The following CHIC2 variants were observed in gnomAD, a reference collection of about 807,000 sequenced individuals.
The protein encoded by CHIC2 is cysteine rich hydrophobic domain 2.
A neutral mutation model predicts 25.9 loss-of-function variants in CHIC2; 14 were observed. The observed-to-expected ratio is 0.54, with a 90% confidence interval of 0.36 to 0.85. The LOEUF is 0.85. CHIC2 is among the 40% of genes least tolerant of loss of function. The pLI is 0.01. For missense variants in CHIC2, 146 were observed against 202.0 expected (o/e 0.72, Z 1.68); for synonymous variants, 70 against 72.0 (o/e 0.97, Z 0.14).
chr4:54,057,500 A>G (rs1717212773), intron 1 of CHIC2, among the ~76,000 whole-genome samples: 2 of 152,074 alleles, frequency 1.3e-5, no homozygotes. Context: ...CATCCTTCCT[A>G]AATGTTAGCT....
At chr4:54,059,526 G>T (rs1205918646) in intron 1 of CHIC2, 2 of 148,976 alleles carry the variant, frequency 1.3e-5, no homozygotes, top group Non-Finnish European at 3.0e-5. Flanking sequence ...AGGTGACAGG[G>T]AAAGATTCTG....
chr4:54,038,641 G>C (rs1042134117), intron 3 of CHIC2, among the ~76,000 whole-genome samples: 5 of 151,866 alleles, frequency 3.3e-5, no homozygotes, highest in Admixed American at 2.0e-4. Context: ...TATAAAGAAA[G>C]GTAAAGAAAT....
At chr4:54,055,067 G>A (rs1428273045) in intron 1 of CHIC2, among the ~76,000 whole-genome samples, 1 of 152,038 alleles carries the variant, frequency 6.6e-6, no homozygotes, top group African/African-American at 2.4e-5. Flanking sequence ...CACTATAGCA[G>A]ATGTACCAAA....
chr4:54,047,242 G>A (rs1213002883), intron 3 of CHIC2, among the ~76,000 whole-genome samples: 2 of 152,124 alleles, frequency 1.3e-5, no homozygotes, highest in South Asian at 2.1e-4. Flanking sequence ...TCAGTGTGGC[G>A]ATTCCTCAGG....
At chr4:54,014,695 AT>A (rs1345443332) in intron 3 of CHIC2, among the ~76,000 whole-genome samples, 1 of 152,208 alleles carries the variant, frequency 6.6e-6, no homozygotes, top group Non-Finnish European at 1.5e-5. Flanking sequence ...TAAAAGTGTC[AT>A]CTGATAGTAA....
At chr4:54,039,882 AAAAG>A (rs1716509478) in intron 3 of CHIC2, among the ~76,000 whole-genome samples, 1 of 136,064 alleles carries the variant, frequency 7.3e-6, no homozygotes, top group African/African-American at 3.8e-5. Context: ...ATTAATACAT[AAAAG>A]AAAATAGATG....
At chr4:54,036,210 T>C (rs1258854366) in intron 3 of CHIC2, among the ~76,000 whole-genome samples, 2 of 152,236 alleles carry the variant, frequency 1.3e-5, no homozygotes, top group African/African-American at 2.4e-5. Flanking sequence ...TTAGGTTAAG[T>C]TGGCTGACAT....
At chr4:54,043,733 A>G (rs1173757846) in intron 3 of CHIC2, among the ~76,000 whole-genome samples, 1 of 152,244 alleles carries the variant, frequency 6.6e-6, no homozygotes, top group Non-Finnish European at 1.5e-5. Flanking sequence ...AGCTAGGAAG[A>G]AACTGCATCA....
chr4:54,035,596 CTTAAT>C (rs960579244), intron 3 of CHIC2, among the ~76,000 whole-genome samples: 3 of 152,096 alleles, frequency 2.0e-5, no homozygotes, highest in Non-Finnish European at 4.4e-5. Flanking sequence ...ATTCCTGAAA[CTTAAT>C]TTATCTCTTT....
At chr4:54,072,281 G>A in the CHIC2 span, among the ~76,000 whole-genome samples, 30 of 150,152 alleles carry the variant, frequency 2.0e-4, no homozygotes, top group Non-Finnish European at 4.3e-4. Context: ...CAGCCTGGGC[G>A]ACAGAGCAAG....
upstream of CHIC2, among the ~76,000 whole-genome samples, chr4:54,067,960 T>A (rs1212221446): frequency 1.4e-5 from 2 of 145,200 alleles, no homozygotes; most frequent in Non-Finnish European, 3.0e-5. Context: ...TAACCCTCAA[T>A]GTAATGGTAT....
chr4:54,062,524 T>C (rs1455000165), intron 1 of CHIC2, among the ~76,000 whole-genome samples: 1 of 152,172 alleles, frequency 6.6e-6, no homozygotes, highest in Non-Finnish European at 1.5e-5. Context: ...CCTCTCCACG[T>C]AGCCAACTAC....
intron 3 of CHIC2, among the ~76,000 whole-genome samples, chr4:54,044,646 C>A (rs1716719808): frequency 6.6e-6 from 1 of 152,064 alleles, no homozygotes; most frequent in South Asian, 2.1e-4. Context: ...ACATTCAAAG[C>A]AGTGTGTAGA....
chr4:54,045,954 T>G (rs1379221889), intron 3 of CHIC2, among the ~76,000 whole-genome samples: 1 of 151,982 alleles, frequency 6.6e-6, no homozygotes, highest in African/African-American at 2.4e-5. Context: ...CAGCAAAGTC[T>G]CAGGATACAA....
the CHIC2 span, among the ~76,000 whole-genome samples, chr4:54,080,970 ATATATATATATATAT>A: frequency 6.5e-5 from 9 of 139,242 alleles, no homozygotes; most frequent in African/African-American, 2.5e-4. Context: ...ATATATATAT[ATATATATATATATAT>A]AAAATCATCA....
At chr4:54,055,200 C>T (rs1717138242) in intron 1 of CHIC2, among the ~76,000 whole-genome samples, 2 of 151,770 alleles carry the variant, frequency 1.3e-5, no homozygotes, top group Admixed American at 1.3e-4. Context: ...TCTCAAACTC[C>T]TGGGCTCAAG....
intron 1 of CHIC2, among the ~76,000 whole-genome samples, chr4:54,053,121 T>G (rs941368001): frequency 6.6e-6 from 1 of 152,256 alleles, no homozygotes; most frequent in Admixed American, 6.5e-5. Flanking sequence ...TTCAGTATTT[T>G]TACCATCTTT....
chr4:54,056,879 AG>A (rs1458508585), intron 1 of CHIC2, among the ~76,000 whole-genome samples: 2 of 152,174 alleles, frequency 1.3e-5, no homozygotes, highest in Non-Finnish European at 2.9e-5. Context: ...TTACAGCTAA[AG>A]GATATCACAT....
upstream of CHIC2, chr4:54,065,410 T>G: frequency 1.4e-6 from 1 of 708,472 alleles, no homozygotes; most frequent in Non-Finnish European, 1.7e-6. Context: ...CCTTTCCTTT[T>G]CTTACCAGTT....
Sources: allele counts gnomAD v4.1 joint callset (sites outside exome capture counted in the v4.1 genomes callset), GRCh38; gene constraint gnomAD v4.1.1; transcripts MANE v1.5; gene names NCBI Gene and HGNC (gene_info 2026-07-23, HGNC 2026-07-21).